Variants in SEMA3A observed in about 807,000 individuals in gnomAD.
The protein encoded by SEMA3A is semaphorin 3A.
In SEMA3A, 29 loss-of-function variants were observed where a neutral mutation model predicts 97.9. The observed-to-expected ratio is 0.30, with a 90% CI of 0.22 to 0.40. The LOEUF is 0.40. SEMA3A is among the 10% of genes least tolerant of loss of function. The probability of loss-of-function intolerance (pLI) is 1.00; values close to 1 mark genes in which losing one functional copy is unlikely to be tolerated. For synonymous variants in SEMA3A, 321 were observed against 323.7 expected, an observed-to-expected ratio of 0.99 and a Z score of 0.09; for missense variants, 763 against 951.3, an observed-to-expected ratio of 0.80 and a Z score of 2.60.
In SEMA3A at chr7:84,274,121, T is replaced by G. The variant is rs1800229037; in HGVS notation, c.-83+33086A>C. ...AGAGTTTGGCCCATTTTTAACCATT[T>G]AAAATTTATCTTTTGCTGTTTCTGC... On this transcript the variant is annotated intron_variant, in intron 3 of 3. Transcript: ENST00000424555. 2.0e-5 allele frequency among the ~76,000 whole-genome samples: 3 copies of G among 152,130 alleles called. No homozygotes were observed. The South Asian group carries it at 6.2e-4, about 31-fold the overall frequency.
intron 1 of SEMA3A, among the ~76,000 whole-genome samples, chr7:84,403,854 T>C (rs1461678869): frequency 1.3e-5 from 2 of 152,012 alleles, no homozygotes; most frequent in Non-Finnish European, 2.9e-5. Flanking sequence ...GAAGGAAAAC[T>C]AACAAACAGA....
intron 2 of SEMA3A, among the ~76,000 whole-genome samples, chr7:84,366,461 T>C (rs1224099178): frequency 6.6e-6 from 1 of 151,150 alleles, no homozygotes; most frequent in Admixed American, 6.6e-5. Context: ...TCAGTATTCA[T>C]TTACTAAAAC....
intron 3 of SEMA3A, among the ~76,000 whole-genome samples, chr7:84,241,596 T>C (rs1216327359): frequency 6.6e-6 from 1 of 152,116 alleles, no homozygotes; most frequent in Non-Finnish European, 1.5e-5. Context: ...TTGTGTTTTG[T>C]TTGTTTGTTT....
At chr7:84,200,217 T>C (rs1039643196) in intron 3 of SEMA3A, among the ~76,000 whole-genome samples, 2 of 152,142 alleles carry the variant, frequency 1.3e-5, no homozygotes, top group Non-Finnish European at 2.9e-5. Flanking sequence ...TTTATGATAC[T>C]TTAAGGTAAA....
intron 1 of SEMA3A, among the ~76,000 whole-genome samples, chr7:84,422,901 C>A (rs1804639461): frequency 6.6e-6 from 1 of 151,960 alleles, no homozygotes; most frequent in Non-Finnish European, 1.5e-5. Flanking sequence ...TCTAAAGTAC[C>A]AGCATGCAAA....
chr7:84,060,711 C>T (rs1421760899), intron 4 of SEMA3A, among the ~76,000 whole-genome samples, 153 bp from the exon 5 acceptor site: 1 of 152,090 alleles, frequency 6.6e-6, no homozygotes, highest in Non-Finnish European at 1.5e-5. Context: ...CAAAATAAAT[C>T]AAGTGTATTG....
chr7:84,018,968 A>C (rs1791212143), intron 6 of SEMA3A, among the ~76,000 whole-genome samples: 1 of 152,188 alleles, frequency 6.6e-6, no homozygotes, highest in Admixed American at 6.5e-5. Context: ...GTGAGGCCAA[A>C]ATGAAGGCAG....
At chr7:84,013,304 A>G (rs960553495) in intron 7 of SEMA3A, among the ~76,000 whole-genome samples, 7 of 152,346 alleles carry the variant, frequency 4.6e-5, no homozygotes, top group Admixed American at 3.9e-4. Context: ...TTAATAATCT[A>G]TAAGTGTTTA....
At chr7:84,434,041 T>C (rs543102274) in intron 1 of SEMA3A, among the ~76,000 whole-genome samples, 12 of 152,186 alleles carry the variant, frequency 7.9e-5, no homozygotes, top group Non-Finnish European at 1.8e-4. Context: ...ACTCTGATGA[T>C]AGTTTCTTTT....
chr7:84,292,843 A>G (rs1168777828), intron 3 of SEMA3A, among the ~76,000 whole-genome samples: 1 of 152,126 alleles, frequency 6.6e-6, no homozygotes, highest in Non-Finnish European at 1.5e-5. Context: ...TCAATATTTT[A>G]ACATATATTT....
At chr7:84,486,205 T>C (rs1170511714) in intron 1 of SEMA3A, among the ~76,000 whole-genome samples, 1 of 151,928 alleles carries the variant, frequency 6.6e-6, no homozygotes. Flanking sequence ...CTGGCCAGCA[T>C]GGTGAAACCC....
In SEMA3A at chr7:83,963,633, C is replaced by T. The variant is rs186120697; in HGVS notation, c.1718-286G>A. Reference sequence around the variant, plus strand: ...CAATCATGTGTGTAGCATAACTATACGTCTTTATATGTCATGATAAATACT... The same window carrying T: ...CAATCATGTGTGTAGCATAACTATATGTCTTTATATGTCATGATAAATACT... On this transcript the variant is annotated intron_variant, in intron 15 of 16. Transcript: ENST00000265362. 2.3e-3 allele frequency among the ~76,000 whole-genome samples: 348 copies of T among 152,212 alleles called. 4 individuals carry two copies. Among genetic ancestry groups the T allele is most frequent in the African/African-American group, 8.0e-3 (332 of 41,548 alleles).
chr7:83,976,725 G>T (rs1789164189), intron 15 of SEMA3A, among the ~76,000 whole-genome samples: 1 of 151,854 alleles, frequency 6.6e-6, no homozygotes, highest in Non-Finnish European at 1.5e-5. Context: ...TTTATATCAT[G>T]AGCATATAAA....
At chr7:84,354,466 A>G (rs559535408) in intron 2 of SEMA3A, among the ~76,000 whole-genome samples, 1 of 151,646 alleles carries the variant, frequency 6.6e-6, no homozygotes, top group South Asian at 2.1e-4. Context: ...TTCTTTTCCT[A>G]TACCCCCATT....
intron 1 of SEMA3A, among the ~76,000 whole-genome samples, chr7:84,479,642 G>A (rs190043153): frequency 9.9e-4 from 151 of 152,104 alleles, no homozygotes; most frequent in Non-Finnish European, 1.8e-3. Context: ...TCAGAAAATC[G>A]GGAAGGATAT....
rs906346871 is a variant in SEMA3A, at chr7:84,048,172, A to G, written c.548-1729T>C. Reference sequence around the variant, plus strand: ...GTGAATTGTTCTTGTATGTCATCCTAAATTGTCACAGCATGGTGTCTTTGG... The same window carrying G: ...GTGAATTGTTCTTGTATGTCATCCTGAATTGTCACAGCATGGTGTCTTTGG... On this transcript the variant is annotated intron_variant, in intron 5 of 16. Transcript: ENST00000265362. Among the ~76,000 whole-genome samples the G allele has an allele frequency of 2.0e-5, 3 of 152,076 alleles. No individual in the cohort carries two copies. The East Asian group carries it at 5.8e-4, about 29-fold the overall frequency.
chr7:84,251,713 C>T (rs185491774), intron 3 of SEMA3A, among the ~76,000 whole-genome samples: 4 of 152,094 alleles, frequency 2.6e-5, no homozygotes, highest in African/African-American at 7.2e-5. Context: ...CAGCAAAAGC[C>T]GTTTGTTTTA....
intron 3 of SEMA3A, among the ~76,000 whole-genome samples, chr7:84,205,922 A>T (rs765636468): frequency 6.6e-6 from 1 of 152,216 alleles, no homozygotes; most frequent in Admixed American, 6.5e-5. Context: ...TAATTATTTT[A>T]TATGAATAAG....
At chr7:84,422,826 A>T (rs555316721) in intron 1 of SEMA3A, among the ~76,000 whole-genome samples, 5 of 151,926 alleles carry the variant, frequency 3.3e-5, no homozygotes, top group Admixed American at 2.0e-4. Context: ...GGTATCAGTA[A>T]AAAGTAGGAA....
Sources: allele counts gnomAD v4.1 joint callset (sites outside exome capture counted in the v4.1 genomes callset), GRCh38; gene constraint gnomAD v4.1.1; transcripts MANE v1.5; gene names NCBI Gene and HGNC (gene_info 2026-07-23, HGNC 2026-07-21).